The following EPHA7 variants were observed in gnomAD, a reference collection of about 807,000 sequenced individuals.
EPHA7 encodes ephrin type-A receptor 7.
Under a neutral mutation model 112.6 loss-of-function variants are expected in EPHA7, and 25 were observed. That is an observed-to-expected ratio of 0.22 (90% CI 0.16 to 0.31). The LOEUF is 0.31. Ranked by LOEUF, EPHA7 falls within the 10% of genes least tolerant of loss-of-function variation. The pLI is 1.00. For synonymous variants in EPHA7, 437 were observed against 406.5 expected, an observed-to-expected ratio of 1.07 and a Z score of -0.90; for missense variants, 962 against 1,212.6, an observed-to-expected ratio of 0.79 and a Z score of 3.07.
chr6:93,272,220 C>A lies in EPHA7; in HGVS notation c.1449+78G>T, dbSNP rs967261409. 3.3e-6 allele frequency: 5 copies of A among 1,523,996 alleles called. No homozygotes were observed. In the African/African-American group the frequency reaches 4.2e-5, roughly 13 times the overall value. 94.4% of individuals were successfully genotyped at this position (1,523,996 alleles called of 1,614,324 possible). A position where few individuals can be genotyped will look rare whatever the true frequency, so the allele number is the denominator to read the frequency against. ...TAGCTCCAAATTGTTGGCATAATGACCAACTTTAGTCTACAATACAGTAGG... is the reference window on the plus strand; with the variant it reads ...TAGCTCCAAATTGTTGGCATAATGAACAACTTTAGTCTACAATACAGTAGG... On this transcript the variant is annotated intron_variant, in intron 6 of 16. Coordinates refer to ENST00000369303, the MANE Select transcript of EPHA7 (RefSeq NM_004440.4).
At position 93,269,504 on chromosome 6, in the gene EPHA7, C is replaced by G; in HGVS notation, c.1606G>C (p.Glu536Gln). 2 of 1,610,996 alleles carry G rather than the reference C, an allele frequency of 1.2e-6. No individual in the cohort carries two copies. The highest frequency in any genetic ancestry group is 1.7e-6 in the Non-Finnish European group (2 of 1,178,044). Residue 536 changes from glutamate (E) to glutamine (Q), a missense_variant, in exon 7 of 17, where the codon GAG becomes CAG. By Grantham distance (29) the Glu-to-Gln change is conservative. Around this residue, in one of 3 missense-constraint regions of EPHA7, gnomAD observed 746 missense variants for 889.2 expected, o/e 0.84. Transcript: ENST00000369303. ...TCAAACATTTTACCTGTAGCTTCCTCTAGTGTAGCAACATCAAGTCTGGGA... is the reference window on the plus strand; with the variant it reads ...TCAAACATTTTACCTGTAGCTTCCTGTAGTGTAGCAACATCAAGTCTGGGA... ...YSPRLDVATL[E>Q]EATGKMFEAT...
Position 93,320,914 on chromosome 6 carries a change from T to C in EPHA7, c.1324+35803A>G, listed in dbSNP as rs189740853. Among the ~76,000 whole-genome samples, 13 of 152,076 alleles carry C rather than the reference T, an allele frequency of 8.5e-5. No individual in the cohort carries two copies. In the East Asian group the frequency reaches 2.3e-3, roughly 27 times the overall value. Reference sequence around the variant, plus strand: ...AAAATAATTTTGATTCATTGAAATATAATTTCACTTATAAAATGTTATATA... The same window carrying C: ...AAAATAATTTTGATTCATTGAAATACAATTTCACTTATAAAATGTTATATA... On this transcript the variant is annotated intron_variant, in intron 5 of 16. Transcript: ENST00000369303.
intron 5 of EPHA7, among the ~76,000 whole-genome samples, chr6:93,313,448 A>G (rs1773641963): frequency 6.6e-6 from 1 of 150,382 alleles, no homozygotes; most frequent in South Asian, 2.1e-4. Context: ...GCATATCTGG[A>G]TTTCCCATTT....
intron 3 of EPHA7, among the ~76,000 whole-genome samples, chr6:93,366,609 T>TA (rs958722467): frequency 6.6e-6 from 1 of 152,080 alleles, no homozygotes; most frequent in African/African-American, 2.4e-5. Context: ...GCAACAGTGT[T>TA]AAAAAACAGG....
chr6:93,325,169 T>A (rs1774257067), intron 5 of EPHA7, among the ~76,000 whole-genome samples: 1 of 151,324 alleles, frequency 6.6e-6, no homozygotes, highest in Non-Finnish European at 1.5e-5. Context: ...GAAACACTTG[T>A]TACAAAATAA....
intron 3 of EPHA7, among the ~76,000 whole-genome samples, chr6:93,401,816 T>C (rs113248174): frequency 6.6e-6 from 1 of 151,894 alleles, no homozygotes; most frequent in Admixed American, 6.6e-5. Context: ...TGTATGGACA[T>C]AGAGAAAAAT....
rs529788895 is a variant in EPHA7, at chr6:93,284,870, T to C, written c.1325-12448A>G. ...GGGGGGTGGGGGGCTAGGGGAGGGA[T>C]AGCATTAGGAGAAATACGTAATGTA... On this transcript the variant is annotated intron_variant, in intron 5 of 16. Transcript: ENST00000369303. Among the ~76,000 whole-genome samples the C allele has an allele frequency of 1.1e-4, 16 of 151,932 alleles. No individual in the cohort carries two copies. The East Asian group carries it at 2.9e-3, about 28-fold the overall frequency.
At position 93,356,924 on chromosome 6, in the gene EPHA7, T is replaced by G. The variant is rs1391562093; in HGVS notation, c.1117A>C (p.Ser373Arg). 6.2e-7 allele frequency: 1 copy of G among 1,614,146 alleles called. No homozygotes were observed. Among genetic ancestry groups the G allele is most frequent in the Non-Finnish European group, 8.5e-7 (1 of 1,180,014 alleles). The change falls in exon 5 of 17, where the codon AGT becomes CGT. Residue 373 changes from serine to arginine, a missense_variant. Physicochemically the swap from Ser to Arg is moderately radical, Grantham distance 110. Around this residue, in one of 3 missense-constraint regions of EPHA7, gnomAD observed 746 missense variants for 889.2 expected, o/e 0.84. Transcript: ENST00000369303. ...GGAACACATTCGCCCTGCTCCCAACTGCACCGCTTACACAATATTCTGTAG... is the reference window on the plus strand; with the variant it reads ...GGAACACATTCGCCCTGCTCCCAACGGCACCGCTTACACAATATTCTGTAG... ...VTYRILCKRC[S>R]WEQGECVPCG... is the part of the protein sequence containing the mutation.
At chr6:93,369,993 T>C (rs1477416254) in intron 3 of EPHA7, among the ~76,000 whole-genome samples, 1 of 152,152 alleles carries the variant, frequency 6.6e-6, no homozygotes, top group Admixed American at 6.5e-5. Flanking sequence ...TGGCTTTCAG[T>C]CTTTAAGTCT....
chr6:93,251,107 A>G (rs1448481056), intron 14 of EPHA7, among the ~76,000 whole-genome samples: 1 of 152,006 alleles, frequency 6.6e-6, no homozygotes, highest in South Asian at 2.1e-4. Flanking sequence ...TTAACCTCAC[A>G]ATAACATGAC....
At position 93,306,356 on chromosome 6, in the gene EPHA7, A is replaced by T. The variant is rs531351889; in HGVS notation, c.1325-33934T>A. On this transcript the variant is annotated intron_variant, in intron 5 of 16. Coordinates refer to ENST00000369303, the MANE Select transcript of EPHA7 (RefSeq NM_004440.4). Reference sequence around the variant, plus strand: ...AAATGTCCTCAGGGAATTTGCCAAGAATCATGTTTGCACAAAGTACTAAAA... The same window carrying T: ...AAATGTCCTCAGGGAATTTGCCAAGTATCATGTTTGCACAAAGTACTAAAA... 1.4e-4 allele frequency among the ~76,000 whole-genome samples: 22 copies of T among 152,158 alleles called. No individual in the cohort carries two copies. The East Asian group carries it at 4.0e-3, about 28-fold the overall frequency.
intron 5 of EPHA7, among the ~76,000 whole-genome samples, chr6:93,303,136 T>A (rs1479859375): frequency 6.6e-6 from 1 of 152,142 alleles, no homozygotes; most frequent in Non-Finnish European, 1.5e-5. Context: ...GTGATCCTAC[T>A]TTGCTCACAA....
intron 5 of EPHA7, among the ~76,000 whole-genome samples, chr6:93,293,171 A>G (rs1206832545): frequency 7.6e-6 from 1 of 132,196 alleles, no homozygotes; most frequent in Non-Finnish European, 1.6e-5. Flanking sequence ...ATGTAAACCC[A>G]TATATATATA....
intron 5 of EPHA7, among the ~76,000 whole-genome samples, chr6:93,319,830 A>G (rs2127881656): frequency 6.6e-6 from 1 of 152,270 alleles, no homozygotes; most frequent in Admixed American, 6.5e-5. Context: ...ACATATATTC[A>G]TAATCAAATA....
chr6:93,267,815 GA>G (rs1267807147), intron 7 of EPHA7, among the ~76,000 whole-genome samples: 1 of 151,564 alleles, frequency 6.6e-6, no homozygotes, highest in Non-Finnish European at 1.5e-5. Flanking sequence ...ACAAAGTCAG[GA>G]AAAGGCATAA....
intron 3 of EPHA7, among the ~76,000 whole-genome samples, chr6:93,400,415 C>T (rs1194846876): frequency 2.6e-5 from 4 of 152,026 alleles, no homozygotes; most frequent in African/African-American, 9.7e-5. Context: ...TTTTATCAAG[C>T]AACTCCACAT....
chr6:93,275,291 A>G (rs1771416975), intron 5 of EPHA7, among the ~76,000 whole-genome samples: 1 of 151,828 alleles, frequency 6.6e-6, no homozygotes, highest in African/African-American at 2.4e-5. Flanking sequence ...ATAAATAGTA[A>G]CCAACAACAA....
rs71558455 is a variant in EPHA7 at position 93,275,143 on chromosome 6, C to T, written c.1325-2721G>A. Among the ~76,000 whole-genome samples, 771 of 151,642 alleles carry T rather than the reference C, an allele frequency of 5.1e-3. 5 individuals carry two copies. The highest frequency in any genetic ancestry group is 0.012 in the Middle Eastern group (3 of 254). On this transcript the variant is annotated intron_variant, in intron 5 of 16. Coordinates refer to ENST00000369303, the MANE Select transcript of EPHA7 (RefSeq NM_004440.4). ...AAATGAATTATACAAATGAAATATA[C>T]AAGTGACAATATACAAATGAATATA...
chr6:93,399,738 TTG>T (rs200772692), intron 3 of EPHA7, among the ~76,000 whole-genome samples: 560 of 151,936 alleles, frequency 3.7e-3, no homozygotes, highest in Non-Finnish European at 5.5e-3. Context: ...ATATCTGTGG[TTG>T]TGTGTGTGTA....
Sources: allele counts gnomAD v4.1 joint callset (sites outside exome capture counted in the v4.1 genomes callset), GRCh38; gene constraint gnomAD v4.1.1; regional missense constraint gnomAD v4.1.1; transcripts MANE v1.5; gene names NCBI Gene and HGNC (gene_info 2026-07-23, HGNC 2026-07-21).